PTPRT: variants seen among roughly 807,000 people sequenced by gnomAD.
PTPRT encodes the protein receptor-type tyrosine-protein phosphatase T.
PTPRT carries 56 observed loss-of-function variants against 176.8 expected under a neutral mutation model. That is an observed-to-expected ratio of 0.32 (90% CI 0.26 to 0.40). The LOEUF (loss-of-function observed/expected upper bound fraction) is 0.40. Among genes scored for constraint, PTPRT ranks in the 10% least tolerant of loss-of-function variants. The pLI is 1.00. For missense variants in PTPRT, 1,540 were observed against 1,908.2 expected, an observed-to-expected ratio of 0.81 and a Z score of 3.60; for synonymous variants, 783 against 739.0, an observed-to-expected ratio of 1.06 and a Z score of -0.96.
chr20:42,573,513 T>C (rs983545916), intron 7 of PTPRT, among the ~76,000 whole-genome samples: 3 of 152,224 alleles, frequency 2.0e-5, no homozygotes, highest in African/African-American at 7.2e-5. Context: ...GGTCTCAGAC[T>C]GGGAGAAATT....
chr20:42,137,557 C>T (rs963829437), intron 18 of PTPRT, among the ~76,000 whole-genome samples: 3 of 152,146 alleles, frequency 2.0e-5, no homozygotes, highest in Non-Finnish European at 4.4e-5. Flanking sequence ...GAGACCACAG[C>T]TCTGGTCATG....
chr20:42,733,102 A>G (rs1012254832), intron 6 of PTPRT, among the ~76,000 whole-genome samples: 1 of 152,162 alleles, frequency 6.6e-6, no homozygotes, highest in African/African-American at 2.4e-5. Flanking sequence ...ACTTACTTCA[A>G]TACGCTGGCA....
intron 23 of PTPRT, among the ~76,000 whole-genome samples, chr20:42,109,193 A>G (rs1175136278): frequency 6.6e-6 from 1 of 152,184 alleles, no homozygotes; most frequent in African/African-American, 2.4e-5. Context: ...TGGCTCTGAG[A>G]CATCCACAGC....
chr20:42,048,852 G>A, the PTPRT span, among the ~76,000 whole-genome samples: 270 of 152,084 alleles, frequency 1.8e-3, 1 homozygote, highest in African/African-American at 6.2e-3. Context: ...ATGCACTTTC[G>A]CTCTTATTGC....
chr20:43,094,108 T>C (rs1023544782), intron 1 of PTPRT, among the ~76,000 whole-genome samples: 1 of 132,828 alleles, frequency 7.5e-6, no homozygotes, highest in Non-Finnish European at 1.6e-5. Flanking sequence ...TTTTTTTTTT[T>C]GACGGAGTCT....
At chr20:43,097,097 A>T (rs929769649) in intron 1 of PTPRT, among the ~76,000 whole-genome samples, 2 of 152,222 alleles carry the variant, frequency 1.3e-5, no homozygotes, top group Non-Finnish European at 2.9e-5. Context: ...TGGCCTCTGC[A>T]AAGGCATAAT....
intron 7 of PTPRT, among the ~76,000 whole-genome samples, chr20:42,575,688 C>T (rs2145704244): frequency 6.6e-6 from 1 of 152,308 alleles, no homozygotes; most frequent in Non-Finnish European, 1.5e-5. Flanking sequence ...AAACTTACAA[C>T]ACTAGGCAGT....
intron 2 of PTPRT, among the ~76,000 whole-genome samples, chr20:42,831,627 G>A (rs1237719196): frequency 6.6e-6 from 1 of 152,088 alleles, no homozygotes; most frequent in African/African-American, 2.4e-5. Context: ...GGCAAACTAT[G>A]CATCTGACAA....
At chr20:42,699,312 T>C (rs1381307270) in intron 6 of PTPRT, among the ~76,000 whole-genome samples, 1 of 152,194 alleles carries the variant, frequency 6.6e-6, no homozygotes, top group Admixed American at 6.5e-5. Flanking sequence ...AAATAGTTTC[T>C]TCCTTCAAGG....
intron 1 of PTPRT, among the ~76,000 whole-genome samples, chr20:43,173,154 T>C (rs536912054): frequency 4.6e-5 from 7 of 152,234 alleles, no homozygotes; most frequent in Non-Finnish European, 8.8e-5. Context: ...ACATGGTTCA[T>C]GACAGAGCAG....
At chr20:42,719,722 T>A (rs2146226408) in intron 6 of PTPRT, among the ~76,000 whole-genome samples, 2 of 152,262 alleles carry the variant, frequency 1.3e-5, no homozygotes, top group South Asian at 4.2e-4. Context: ...TCAAGCAGGG[T>A]GTTCTTTCTC....
intron 14 of PTPRT, among the ~76,000 whole-genome samples, chr20:42,241,090 G>T (rs532521696): frequency 6.6e-6 from 1 of 152,216 alleles, no homozygotes; most frequent in Non-Finnish European, 1.5e-5. Context: ...TTGTTAAGTG[G>T]CATGGCAGGG....
chr20:42,399,597 C>G (rs1376857078), intron 9 of PTPRT, among the ~76,000 whole-genome samples: 1 of 152,208 alleles, frequency 6.6e-6, no homozygotes, highest in African/African-American at 2.4e-5. Flanking sequence ...TTTGGTAAAT[C>G]CCTCCCAGGT....
chr20:42,920,227 A>G (rs913571773), intron 1 of PTPRT, among the ~76,000 whole-genome samples: 1 of 152,254 alleles, frequency 6.6e-6, no homozygotes, highest in Non-Finnish European at 1.5e-5. Flanking sequence ...CCCAGCATGA[A>G]CTATTAATAT....
chr20:42,276,541 A>ATT (rs2057038899), intron 13 of PTPRT, among the ~76,000 whole-genome samples: 1 of 69,812 alleles, frequency 1.4e-5, no homozygotes, highest in African/African-American at 6.5e-5. Flanking sequence ...ATATATATAT[A>ATT]TATATATATA....
intron 12 of PTPRT, among the ~76,000 whole-genome samples, chr20:42,308,793 G>A (rs546542986): frequency 1.3e-5 from 2 of 152,226 alleles, no homozygotes; most frequent in South Asian, 4.1e-4. Flanking sequence ...ACCCATCCAT[G>A]TGCAACCATT....
At chr20:42,872,491 A>G (rs1024174501) in intron 2 of PTPRT, among the ~76,000 whole-genome samples, 9 of 152,226 alleles carry the variant, frequency 5.9e-5, no homozygotes, top group Non-Finnish European at 1.2e-4. Flanking sequence ...CCCTACCTCC[A>G]TATACTCATG....
intron 9 of PTPRT, among the ~76,000 whole-genome samples, chr20:42,376,782 C>T (rs139042158): frequency 3.9e-5 from 6 of 151,972 alleles, no homozygotes; most frequent in Middle Eastern, 3.4e-3. Flanking sequence ...CTGGGGAGTA[C>T]GAAAAAATGG....
chr20:42,162,890 C>G (rs1292103961), intron 16 of PTPRT, among the ~76,000 whole-genome samples: 3 of 152,214 alleles, frequency 2.0e-5, no homozygotes, highest in Admixed American at 2.0e-4. Flanking sequence ...CATCGGCAAG[C>G]CTGTTCCTGG....
Sources: gnomAD v4.1 joint callset for allele counts (sites outside exome capture counted in the v4.1 genomes callset) on GRCh38, gnomAD v4.1.1 for gene constraint, MANE v1.5 for transcripts, NCBI Gene and HGNC (gene_info 2026-07-23, HGNC 2026-07-21) for gene names.